Variants in GSG1L observed in about 807,000 individuals in gnomAD.
The protein encoded by GSG1L is GSG1 like.
Under a neutral mutation model 42.1 loss-of-function variants are expected in GSG1L, and 24 were observed. The observed-to-expected ratio is 0.57, with a 90% CI of 0.41 to 0.80. GSG1L has a LOEUF of 0.80. GSG1L is among the 30% of genes least tolerant of loss of function. The pLI is 0.00. For synonymous variants in GSG1L, 215 were observed against 203.5 expected, an observed-to-expected ratio of 1.06 and a Z score of -0.48; for missense variants, 445 against 472.2, an observed-to-expected ratio of 0.94 and a Z score of 0.53.
chr16:27,849,185 G>A (rs1289568983), intron 3 of GSG1L, among the ~76,000 whole-genome samples: 3 of 127,478 alleles, frequency 2.4e-5, no homozygotes, highest in Non-Finnish European at 3.2e-5. Flanking sequence ...GTGACAGAGT[G>A]AGCCTCTATC....
intron 2 of GSG1L, among the ~76,000 whole-genome samples, chr16:27,935,400 C>G (rs895194032): frequency 1.3e-5 from 2 of 152,178 alleles, no homozygotes; most frequent in African/African-American, 4.8e-5. Context: ...GTCTATGATG[C>G]AGGGTCTGAC....
At chr16:28,044,915 G>A (rs917000606) in intron 1 of GSG1L, among the ~76,000 whole-genome samples, 2 of 152,116 alleles carry the variant, frequency 1.3e-5, no homozygotes, top group Non-Finnish European at 2.9e-5. Context: ...GTGAGCTACC[G>A]CGTCCGGCCA....
chr16:27,841,491 G>T (rs1331327447), intron 4 of GSG1L, among the ~76,000 whole-genome samples: 1 of 152,228 alleles, frequency 6.6e-6, no homozygotes, highest in African/African-American at 2.4e-5. Flanking sequence ...GGAAGACAGA[G>T]GTGGGTGCCA....
In GSG1L at chr16:28,063,184, G is replaced by A. The variant is rs1280078919; in HGVS notation, c.241C>T (p.Pro81Ser). The A allele has an allele frequency of 7.6e-7, 1 of 1,317,798 alleles. No individual in the cohort carries two copies. Among genetic ancestry groups the A allele is most frequent in the African/African-American group, 1.5e-5 (1 of 65,000 alleles). The allele number at this position is 1,317,798 out of a possible 1,614,324, so 81.6% of individuals were successfully genotyped here. ...AAAATASGNGPPGGALYSWET... is the reference protein window; with the variant it reads ...AAAATASGNGSPGGALYSWET... ...CAGCTGTAGAGCGCGCCGCCAGGGG[G>A]GCCGTTCCCCGAGGCGGTGGCGGCG... The change falls in exon 1 of 7, where the codon CCC (proline) becomes TCC (serine). Residue 81 changes from proline to serine, a missense_variant. Coordinates refer to ENST00000447459, the MANE Select transcript of GSG1L (RefSeq NM_001109763.2). The surrounding 1 kb of genome is among the most constrained non-coding windows in gnomAD (Gnocchi z 5.8).
intron 5 of GSG1L, among the ~76,000 whole-genome samples, chr16:27,815,812 CA>C (rs2083088073): frequency 6.6e-6 from 1 of 151,944 alleles, no homozygotes; most frequent in Non-Finnish European, 1.5e-5. Flanking sequence ...CTACCAAAAA[CA>C]AAACAAAAAA....
chr16:27,887,129 T>A (rs1315427713), intron 2 of GSG1L, among the ~76,000 whole-genome samples: 1 of 151,880 alleles, frequency 6.6e-6, no homozygotes, highest in Non-Finnish European at 1.5e-5. Context: ...CTTATTTTTA[T>A]ATTTTTTGTA....
In GSG1L at chr16:27,936,056, G is replaced by A. The variant is rs560245765; in HGVS notation, c.397+27100C>T. ...CCCAGGGAATCACCCCCACCCTTCA[G>A]GACCCTGCCAGACCTTCACCCAGCC... is the stretch of plus-strand genomic sequence containing the variant. On this transcript the variant is annotated intron_variant, in intron 2 of 6. Coordinates refer to ENST00000447459, the MANE Select transcript of GSG1L (RefSeq NM_001109763.2). 2.0e-5 allele frequency among the ~76,000 whole-genome samples: 3 copies of A among 151,212 alleles called. No individual in the cohort carries two copies. The East Asian group carries it at 5.8e-4, about 29-fold the overall frequency.
intron 1 of GSG1L, among the ~76,000 whole-genome samples, chr16:28,034,541 T>C (rs1176794450): frequency 6.6e-6 from 1 of 152,196 alleles, no homozygotes; most frequent in Non-Finnish European, 1.5e-5. Flanking sequence ...TGTTCTTCTA[T>C]CTGTCTCCTC....
chr16:27,878,504 A>G (rs867084630), intron 3 of GSG1L, among the ~76,000 whole-genome samples: 1 of 152,194 alleles, frequency 6.6e-6, no homozygotes, highest in Admixed American at 6.5e-5. Flanking sequence ...CCTTAACATG[A>G]GGAGATTATT....
At chr16:27,915,683 G>A (rs1185641134) in intron 2 of GSG1L, among the ~76,000 whole-genome samples, 1 of 152,204 alleles carries the variant, frequency 6.6e-6, no homozygotes, top group Non-Finnish European at 1.5e-5. Flanking sequence ...AACTGAGAGG[G>A]GAGGATCGCT....
At chr16:27,815,180 T>A (rs1046340367) in intron 5 of GSG1L, among the ~76,000 whole-genome samples, 19 of 152,316 alleles carry the variant, frequency 1.2e-4, no homozygotes, top group Non-Finnish European at 2.5e-4. Flanking sequence ...AATCTTATGC[T>A]GAAACGTGAT....
At chr16:27,811,976 C>T (rs1285719439) in intron 5 of GSG1L, among the ~76,000 whole-genome samples, 1 of 152,176 alleles carries the variant, frequency 6.6e-6, no homozygotes, top group Non-Finnish European at 1.5e-5. Flanking sequence ...TCTGAAGTCT[C>T]ATCTTCCTCC....
At chr16:27,891,943 G>A (rs76242530) in intron 2 of GSG1L, among the ~76,000 whole-genome samples, 1 of 133,006 alleles carries the variant, frequency 7.5e-6, no homozygotes, top group Non-Finnish European at 1.6e-5. Flanking sequence ...TGAGAGTGGT[G>A]ATCTAAGCCA....
intron 1 of GSG1L, among the ~76,000 whole-genome samples, chr16:28,041,390 TG>T (rs2086103980): frequency 6.6e-6 from 1 of 151,970 alleles, no homozygotes; most frequent in Non-Finnish European, 1.5e-5. Context: ...AGATCAAGGT[TG>T]CAGTGAGCTG....
intron 2 of GSG1L, among the ~76,000 whole-genome samples, chr16:27,904,251 G>A (rs1210152409): frequency 1.3e-5 from 2 of 148,484 alleles, no homozygotes; most frequent in African/African-American, 5.0e-5. Flanking sequence ...TAATTTTTTT[G>A]TAGAGATGGG....
At chr16:27,823,749 G>A in intron 5 of GSG1L, 1 of 656,674 alleles carries the variant, frequency 1.5e-6, no homozygotes, top group Non-Finnish European at 2.8e-6. Context: ...CTCTCATTGT[G>A]TGCCCAGGTC....
chr16:27,947,284 G>A (rs1244277542), intron 2 of GSG1L, among the ~76,000 whole-genome samples: 6 of 151,698 alleles, frequency 4.0e-5, no homozygotes, highest in Non-Finnish European at 8.8e-5. Context: ...GTACCACTAC[G>A]CCTGGCTAAT....
At chr16:27,985,695 CAA>C (rs1435344236) in intron 1 of GSG1L, among the ~76,000 whole-genome samples, 2 of 151,584 alleles carry the variant, frequency 1.3e-5, no homozygotes, top group African/African-American at 4.8e-5. Flanking sequence ...AAAAAAAATA[CAA>C]AGTTAGCCAG....
At chr16:28,019,846 C>A (rs1356472828) in intron 1 of GSG1L, among the ~76,000 whole-genome samples, 1 of 152,224 alleles carries the variant, frequency 6.6e-6, no homozygotes, top group Non-Finnish European at 1.5e-5. Flanking sequence ...AGCATGTGCA[C>A]TCCTGTTTGC....
Sources: allele counts gnomAD v4.1 joint callset (sites outside exome capture counted in the v4.1 genomes callset), GRCh38; gene constraint gnomAD v4.1.1; non-coding constraint Gnocchi (gnomAD v3.1); transcripts MANE v1.5; gene names NCBI Gene and HGNC (gene_info 2026-07-23, HGNC 2026-07-21).